The following TSPEAR variants were observed in gnomAD, a reference collection of about 807,000 sequenced individuals.
TSPEAR encodes thrombospondin type laminin G domain and EAR repeats.
TSPEAR carries 69 observed loss-of-function variants against 71.6 expected under a neutral mutation model. The ratio of observed to expected loss-of-function variants is 0.96; its 90% confidence interval spans 0.79 to 1.18. TSPEAR has a LOEUF of 1.18. TSPEAR is among the 50% of genes most tolerant of loss of function. The pLI, the probability that TSPEAR is intolerant of heterozygous loss-of-function variation, is 0.00. For synonymous variants in TSPEAR, 402 were observed against 387.2 expected, an observed-to-expected ratio of 1.04 and a Z score of -0.45; for missense variants, 971 against 894.9, an observed-to-expected ratio of 1.09 and a Z score of -1.09.
Position 44,711,232 on chromosome 21 carries a change from G to C in TSPEAR, c.82+201C>G, listed in dbSNP as rs1225998384. Among the ~76,000 whole-genome samples, 1 of 151,856 alleles carries C rather than the reference G, an allele frequency of 6.6e-6. No individual in the cohort carries two copies. Among genetic ancestry groups the C allele is most frequent in the Non-Finnish European group, 1.5e-5 (1 of 67,954 alleles). ...AAAGAGCCGCGTTTCTATTGCAACT[G>C]CCTGCCCTGCGCTTTCATCTTCCCC... is the stretch of plus-strand genomic sequence containing the variant. On this transcript the variant is annotated intron_variant, in intron 1 of 11. Coordinates refer to ENST00000323084, the MANE Select transcript of TSPEAR (RefSeq NM_144991.3). This position sits in a 1 kb window ranked among gnomAD's most constrained non-coding sequence, Gnocchi z 4.5.
Position 44,524,863 on chromosome 21 carries a change from CCAGT to C in TSPEAR, c.1336+786_1336+789del, listed in dbSNP as rs1477968898. ...AGTGAGGTAGTCAGTCAGCCAATAG[CCAGT>C]CAGCCAGTCAGGTAGTTAGTCAGGT... is the stretch of plus-strand genomic sequence containing the variant. On this transcript the variant is annotated intron_variant, in intron 8 of 11. Transcript: ENST00000323084. Among the ~76,000 whole-genome samples the C allele has an allele frequency of 9.8e-5, 14 of 142,502 alleles. No homozygotes were observed. The South Asian group carries it at 2.9e-3, about 30-fold the overall frequency. The allele number at this position is 142,502 out of a possible 152,430, so 93.5% of individuals were successfully genotyped here.
At chr21:44,632,352 A>G (rs1983304548) in intron 1 of TSPEAR, among the ~76,000 whole-genome samples, 1 of 85,280 alleles carries the variant, frequency 1.2e-5, no homozygotes, top group African/African-American at 3.8e-5. Flanking sequence ...AAAGTGCTGA[A>G]AGAGAAAAAA....
Position 44,623,417 on chromosome 21 carries a change from T to C in TSPEAR, c.83-55412A>G, listed in dbSNP as rs1177274468. On this transcript the variant is annotated intron_variant, in intron 1 of 11. Coordinates refer to ENST00000323084, the MANE Select transcript of TSPEAR (RefSeq NM_144991.3). This position sits in a 1 kb window ranked among gnomAD's most constrained non-coding sequence, Gnocchi z 4.5. ...TGTAGCCCCCTCCTGAATTTTGTGA[T>C]CTTCTTGCCATGTATTTCATTTCTA... 1.3e-5 allele frequency among the ~76,000 whole-genome samples: 2 copies of C among 152,182 alleles called. No homozygotes were observed. The highest frequency in any genetic ancestry group is 2.9e-5 in the Non-Finnish European group (2 of 68,014).
intron 2 of TSPEAR, among the ~76,000 whole-genome samples, chr21:44,567,177 C>T (rs1555921848): frequency 1.3e-5 from 2 of 152,146 alleles, no homozygotes; most frequent in South Asian, 2.1e-4. Context: ...CATTAATCCA[C>T]GAAAAACTGG....
chr21:44,582,403 C>G (rs462025), intron 1 of TSPEAR, among the ~76,000 whole-genome samples: 143,884 of 152,316 alleles, frequency 0.94, 68,123 homozygotes, highest in Non-Finnish European at 0.97. Flanking sequence ...GGCAGGGAGG[C>G]AGGTGGTCCT....
chr21:44,557,953 T>A, intron 2 of TSPEAR: 1 of 1,392,370 alleles, frequency 7.2e-7, no homozygotes, highest in East Asian at 2.4e-5. Flanking sequence ...GTGCAGTGGC[T>A]ATGGGCAGAG....
intron 1 of TSPEAR, chr21:44,677,336 A>T: frequency 3.7e-6 from 5 of 1,340,574 alleles, no homozygotes; most frequent in Non-Finnish European, 5.3e-6. Context: ...CCTCAATCTC[A>T]GAATTGTCCA....
chr21:44,526,001 G>A (rs377195718), intron 7 of TSPEAR, 162 bp from the exon 8 acceptor site: 22 of 650,382 alleles, frequency 3.4e-5, no homozygotes, highest in East Asian at 1.6e-4. Flanking sequence ...CATCATGGTG[G>A]GGTGGGCGCA....
At chr21:44,666,208 T>A in intron 1 of TSPEAR, 1 of 507,998 alleles carries the variant, frequency 2.0e-6, no homozygotes, top group South Asian at 4.2e-5. Context: ...AAAGCTGGTT[T>A]ATTTGGCTCT....
At chr21:44,582,787 A>C (rs1555925300) in intron 1 of TSPEAR, among the ~76,000 whole-genome samples, 1 of 151,410 alleles carries the variant, frequency 6.6e-6, no homozygotes. Context: ...TGATCACACC[A>C]ATTTCTTTCT....
intron 1 of TSPEAR, among the ~76,000 whole-genome samples, chr21:44,640,961 C>G (rs1465483628): frequency 6.6e-6 from 1 of 152,168 alleles, no homozygotes. Flanking sequence ...AGGTCCCAAT[C>G]TGGAGAGGAA....
In TSPEAR at chr21:44,582,692, G is replaced by A. The variant is rs12106338; in HGVS notation, c.83-14687C>T. ...CTCAGTGTGCCTGATCTAAGTCCAC[G>A]CCCTGCGCTCAGTGGAGACGTGTCT... On this transcript the variant is annotated intron_variant, in intron 1 of 11. Coordinates refer to ENST00000323084, the MANE Select transcript of TSPEAR (RefSeq NM_144991.3). Among the ~76,000 whole-genome samples, 763 of 152,228 alleles carry A rather than the reference G, an allele frequency of 5.0e-3. 8 individuals are homozygous for A. Among genetic ancestry groups the A allele is most frequent in the African/African-American group, 0.018 (732 of 41,532 alleles).
intron 2 of TSPEAR, among the ~76,000 whole-genome samples, chr21:44,536,850 C>T (rs1253327686): frequency 1.3e-5 from 2 of 152,134 alleles, no homozygotes; most frequent in Non-Finnish European, 2.9e-5. Flanking sequence ...AGGAGCTAAA[C>T]ATATGGTTTG....
chr21:44,709,767 A>C (rs1221834465), intron 1 of TSPEAR, among the ~76,000 whole-genome samples: 2 of 152,260 alleles, frequency 1.3e-5, no homozygotes, highest in East Asian at 3.8e-4. Context: ...CTACAGAGCG[A>C]GCGCGCGCCT....
chr21:44,677,012 T>G, intron 1 of TSPEAR: 3 of 885,122 alleles, frequency 3.4e-6, no homozygotes, highest in Non-Finnish European at 5.7e-6. Context: ...ACTTCTGGAG[T>G]AATACTGTCC....
chr21:44,615,833 G>A (rs1474964442), intron 1 of TSPEAR, among the ~76,000 whole-genome samples: 1 of 152,172 alleles, frequency 6.6e-6, no homozygotes, highest in Non-Finnish European at 1.5e-5. Context: ...TGACCCTGAG[G>A]TTCTCGTCTC....
At chr21:44,613,855 C>T (rs138995386) in intron 1 of TSPEAR, among the ~76,000 whole-genome samples, 116 of 152,176 alleles carry the variant, frequency 7.6e-4, no homozygotes, top group African/African-American at 1.2e-4. Context: ...CGTTTAGGTG[C>T]GCGACTTATG....
At position 44,558,399 on chromosome 21, in the gene TSPEAR, T is replaced by A; in HGVS notation, c.303+9386A>T. 1.2e-6 allele frequency: 2 copies of A among 1,613,436 alleles called. No individual in the cohort carries two copies. Among genetic ancestry groups the A allele is most frequent in the Non-Finnish European group, 8.5e-7 (1 of 1,179,826 alleles). ...GCAGACGGGCACACAGCAGACTGGCTTGCAGCAGACAGGCACGCAGCAGGC... is the reference window on the plus strand; with the variant it reads ...GCAGACGGGCACACAGCAGACTGGCATGCAGCAGACAGGCACGCAGCAGGC... On this transcript the variant is annotated intron_variant, in intron 2 of 11. Transcript: ENST00000323084.
chr21:44,588,728 GTA>G (rs71326052), intron 1 of TSPEAR, among the ~76,000 whole-genome samples: 75,952 of 132,438 alleles, frequency 0.57, 20,473 homozygotes, highest in Admixed American at 0.67. Flanking sequence ...ATATGTGTGT[GTA>G]TATATGTATA....
Sources: allele counts gnomAD v4.1 joint callset (sites outside exome capture counted in the v4.1 genomes callset), GRCh38; gene constraint gnomAD v4.1.1; non-coding constraint Gnocchi (gnomAD v3.1); transcripts MANE v1.5; gene names NCBI Gene and HGNC (gene_info 2026-07-23, HGNC 2026-07-21).